The following ZC3H18 variants were observed in gnomAD, a reference collection of about 807,000 sequenced individuals.
The protein encoded by ZC3H18 is zinc finger CCCH domain-containing protein 18.
In ZC3H18, 8 loss-of-function variants were observed where a neutral mutation model predicts 106.1. That is an observed-to-expected ratio of 0.08 (90% CI 0.04 to 0.14). The LOEUF is 0.14. Ranked by LOEUF, ZC3H18 falls within the 10% of genes least tolerant of loss-of-function variation. The pLI, the probability that ZC3H18 is intolerant of heterozygous loss-of-function variation, is 1.00. For missense variants in ZC3H18, 1,318 were observed against 1,278.4 expected (o/e 1.03, Z -0.47); for synonymous variants, 635 against 522.1 (o/e 1.22, Z -2.95).
intron 1 of ZC3H18, among the ~76,000 whole-genome samples, chr16:88,576,274 T>C (rs189858814): frequency 6.6e-6 from 1 of 152,134 alleles, no homozygotes; most frequent in Admixed American, 6.5e-5. Context: ...ACTGCTGGGC[T>C]CAAATGATCC....
chr16:88,594,176 C>A (rs1904320853), intron 3 of ZC3H18, among the ~76,000 whole-genome samples: 1 of 152,104 alleles, frequency 6.6e-6, no homozygotes, highest in African/African-American at 2.4e-5. Flanking sequence ...CAGGGGTTTT[C>A]CAGGGTCAGC....
Position 88,611,615 on chromosome 16 carries a change from C to T in ZC3H18, c.1475+79C>T, listed in dbSNP as rs745946368. On this transcript the variant is annotated intron_variant, in intron 8 of 17. Transcript: ENST00000301011. ...CTGTACCTAGTCCCCCTGGCCTGCG[C>T]TTCCCCTCTGTGGCCCACAGCTCTG... 1,422 of 1,493,892 alleles carry T rather than the reference C, an allele frequency of 9.5e-4. 1 individual carries two copies. The highest frequency in any genetic ancestry group is 1.2e-3 in the Non-Finnish European group (1,337 of 1,118,040). The allele number at this position is 1,493,892 out of a possible 1,614,324, so 92.5% of individuals were successfully genotyped here.
chr16:88,629,311 C>T (rs1282951956), intron 16 of ZC3H18, among the ~76,000 whole-genome samples: 1 of 152,196 alleles, frequency 6.6e-6, no homozygotes, highest in Non-Finnish European at 1.5e-5. Context: ...CCTGTTTCTA[C>T]TAAAAATACA....
Position 88,611,384 on chromosome 16 carries a change from G to A in ZC3H18, c.1323G>A (p.Glu441=), listed in dbSNP as rs1905266326. ...QRERERERER[E]RDKERQRRKE... is the part of the protein sequence containing the mutation. ...AGCGCGAGCGAGAGCGGGAGCGCGA[G>A]CGCGACAAGGAGCGGCAGCGGAGGA... Residue 441 remains glutamate, a synonymous_variant, in exon 8 of 18, where the codon GAG becomes GAA. Coordinates refer to ENST00000301011, the MANE Select transcript of ZC3H18 (RefSeq NM_144604.4). 1 of 1,125,190 alleles carries A rather than the reference G, an allele frequency of 8.9e-7. No individual in the cohort carries two copies. Among genetic ancestry groups the A allele is most frequent in the South Asian group, 1.3e-5 (1 of 75,706 alleles). The allele number at this position is 1,125,190 out of a possible 1,614,324, so 69.7% of individuals were successfully genotyped here.
intron 3 of ZC3H18, among the ~76,000 whole-genome samples, chr16:88,597,622 T>C (rs560097427): frequency 2.0e-5 from 3 of 152,336 alleles, no homozygotes; most frequent in African/African-American, 7.2e-5. Flanking sequence ...GTGATTGTTA[T>C]TTATGAGCAA....
intron 8 of ZC3H18, among the ~76,000 whole-genome samples, chr16:88,619,375 C>T (rs1905817381): frequency 6.6e-6 from 1 of 152,260 alleles, no homozygotes; most frequent in African/African-American, 2.4e-5. Flanking sequence ...ATAGGACCTC[C>T]TTGCTCCATG....
intron 1 of ZC3H18, among the ~76,000 whole-genome samples, chr16:88,573,906 CT>C (rs1377527978): frequency 6.6e-6 from 1 of 150,996 alleles, no homozygotes; most frequent in African/African-American, 2.4e-5. Context: ...GAGTTTTGCT[CT>C]TTTTGCCCAT....
intron 2 of ZC3H18, 112 bp downstream of exon 2, chr16:88,577,838 G>A: frequency 1.3e-6 from 2 of 1,566,162 alleles, no homozygotes; most frequent in South Asian, 1.2e-5. Flanking sequence ...TTGTTACTAG[G>A]GATGGTGCAG....
At chr16:88,571,836 T>C (rs1914426251) in intron 1 of ZC3H18, among the ~76,000 whole-genome samples, 1 of 152,214 alleles carries the variant, frequency 6.6e-6, no homozygotes, top group African/African-American at 2.4e-5. Context: ...CATTTAGATA[T>C]TTTAAGTCCA....
intron 3 of ZC3H18, among the ~76,000 whole-genome samples, chr16:88,596,532 C>T (rs1277798789): frequency 6.6e-6 from 1 of 152,006 alleles, no homozygotes; most frequent in Non-Finnish European, 1.5e-5. Flanking sequence ...CCCAGCTACT[C>T]AGGAGGCTGA....
At chr16:88,613,948 C>G (rs925970233) in intron 8 of ZC3H18, among the ~76,000 whole-genome samples, 4 of 152,042 alleles carry the variant, frequency 2.6e-5, no homozygotes, top group Admixed American at 1.3e-4. Flanking sequence ...GGGGGGGTGT[C>G]GATGAGAGCA....
intron 15 of ZC3H18, among the ~76,000 whole-genome samples, chr16:88,628,467 G>A (rs1325652929): frequency 6.6e-6 from 1 of 152,150 alleles, no homozygotes; most frequent in Admixed American, 6.5e-5. Context: ...CTGCTGGAAG[G>A]GCAAGAGGCC....
At chr16:88,587,377 G>A (rs534899616) in intron 3 of ZC3H18, among the ~76,000 whole-genome samples, 79 of 152,336 alleles carry the variant, frequency 5.2e-4, no homozygotes, top group Non-Finnish European at 9.4e-4. Context: ...TTGATGTGCA[G>A]CAGTAGTTTT....
At chr16:88,625,400 C>A in intron 13 of ZC3H18, 133 bp downstream of exon 13, 2 of 1,074,834 alleles carry the variant, frequency 1.9e-6, no homozygotes, top group African/African-American at 1.6e-5. Context: ...CACCCTGGGG[C>A]TGTGGAAGGC....
chr16:88,586,708 T>A, intron 3 of ZC3H18, 24 bp downstream of exon 3: 1 of 1,605,588 alleles, frequency 6.2e-7, no homozygotes, highest in Non-Finnish European at 8.5e-7. Flanking sequence ...TGTGAGGCCT[T>A]CTCGCAGCCA....
rs754287910 is a variant in ZC3H18 at position 88,575,334 on chromosome 16, C to T, written c.-14-1776C>T. On this transcript the variant is annotated intron_variant, in intron 1 of 17. Transcript: ENST00000301011. ...AAATGTGTATGTGTATGACTTGCTG[C>T]GTCCGTAGTTATCTTGAGATGAATA... 3.3e-5 allele frequency among the ~76,000 whole-genome samples: 5 copies of T among 152,086 alleles called. No homozygotes were observed. In the East Asian group the frequency reaches 7.7e-4, roughly 23 times the overall value.
rs56169262 is a variant in ZC3H18, at chr16:88,623,060, C to T, written c.1668-159C>T. On this transcript the variant is annotated intron_variant, in intron 9 of 17. Coordinates refer to ENST00000301011, the MANE Select transcript of ZC3H18 (RefSeq NM_144604.4). ...AAGAGTGTCTGGGGGAGGCTGTATGCGTCTGTGCGCGCGTCTGCAGCTGTG... is the reference window on the plus strand; with the variant it reads ...AAGAGTGTCTGGGGGAGGCTGTATGTGTCTGTGCGCGCGTCTGCAGCTGTG... 7,873 of 995,876 alleles carry T rather than the reference C, an allele frequency of 7.9e-3. 38 individuals are homozygous for T. Among genetic ancestry groups the T allele is most frequent in the Non-Finnish European group, 9.7e-3 (6,729 of 692,704 alleles). 61.7% of individuals were successfully genotyped at this position (995,876 alleles called of 1,614,324 possible). A position where few individuals can be genotyped will look rare whatever the true frequency, so the allele number is the denominator to read the frequency against.
chr16:88,631,940 C>A lies in ZC3H18; in HGVS notation c.*641C>A. ...GGTGGGTCTTTTTTTGAGGGGTCTCCTAAAATAAAATATTTTGATAAGCAG... is the reference window on the plus strand; with the variant it reads ...GGTGGGTCTTTTTTTGAGGGGTCTCATAAAATAAAATATTTTGATAAGCAG... On this transcript the variant is annotated 3_prime_UTR_variant, in exon 18 of 18. Transcript: ENST00000301011. 3.9e-6 allele frequency: 1 copy of A among 259,304 alleles called. No homozygotes were observed. Among genetic ancestry groups the A allele is most frequent in the Non-Finnish European group, 7.6e-6 (1 of 132,042 alleles). The allele number at this position is 259,304 out of a possible 1,614,324, so 16.1% of individuals were successfully genotyped here.
chr16:88,612,551 C>T (rs369442057), intron 8 of ZC3H18, among the ~76,000 whole-genome samples: 1 of 151,128 alleles, frequency 6.6e-6, no homozygotes, highest in Admixed American at 6.6e-5. Flanking sequence ...GTGGCATGAG[C>T]CTGTGGTCCC....
Sources: allele counts gnomAD v4.1 joint callset (sites outside exome capture counted in the v4.1 genomes callset), GRCh38; gene constraint gnomAD v4.1.1; transcripts MANE v1.5; gene names NCBI Gene and HGNC (gene_info 2026-07-23, HGNC 2026-07-21).